Variants in WDFY4 observed in about 807,000 individuals in gnomAD.
WDFY4 encodes WD repeat- and FYVE domain-containing protein 4.
WDFY4 carries 169 observed loss-of-function variants against 351.9 expected under a neutral mutation model. That is an observed-to-expected ratio of 0.48 (90% confidence interval 0.42 to 0.55). WDFY4 has a LOEUF of 0.55. Ranked by LOEUF, WDFY4 falls within the 20% of genes least tolerant of loss-of-function variation. The probability of loss-of-function intolerance (pLI) is 0.00; values close to 1 mark genes in which losing one functional copy is unlikely to be tolerated. For missense variants in WDFY4, 3,803 were observed against 3,935.6 expected (o/e 0.97, Z 0.90); for synonymous variants, 1,622 against 1,574.6 (o/e 1.03, Z -0.71).
chr10:48,763,337 G>A (rs1326452676), intron 13 of WDFY4, among the ~76,000 whole-genome samples: 1 of 152,256 alleles, frequency 6.6e-6, no homozygotes, highest in Non-Finnish European at 1.5e-5. Context: ...TTGGATCTTT[G>A]CAGCTCTCAC....
chr10:48,761,675 G>C (rs571064049), intron 13 of WDFY4, among the ~76,000 whole-genome samples: 1 of 152,218 alleles, frequency 6.6e-6, no homozygotes, highest in Non-Finnish European at 1.5e-5. Flanking sequence ...ACAAGACGAA[G>C]TTGGAGTCAG....
intron 11 of WDFY4, among the ~76,000 whole-genome samples, chr10:48,739,224 A>G (rs1253502647): frequency 1.3e-5 from 2 of 152,234 alleles, no homozygotes; most frequent in African/African-American, 4.8e-5. Flanking sequence ...TGTTAGTCCT[A>G]ACGTAGTTAG....
At chr10:48,823,015 G>A (rs1439047242) in intron 35 of WDFY4, among the ~76,000 whole-genome samples, 1 of 152,118 alleles carries the variant, frequency 6.6e-6, no homozygotes, top group African/African-American at 2.4e-5. Flanking sequence ...TCTTGCCTGT[G>A]CCCTTTCTTT....
At chr10:48,870,937 C>G (rs776308611) in intron 40 of WDFY4, among the ~76,000 whole-genome samples, 1 of 119,852 alleles carries the variant, frequency 8.3e-6, no homozygotes, top group Non-Finnish European at 1.7e-5. Flanking sequence ...GGTGGATATG[C>G]GTTCTTTTTT....
intron 23 of WDFY4, 97 bp downstream of exon 23, chr10:48,791,014 C>T (rs1422496199): frequency 7.0e-7 from 1 of 1,425,624 alleles, no homozygotes; most frequent in African/African-American, 1.4e-5. Flanking sequence ...GCATTCCCTC[C>T]AGGGTGACTT....
At chr10:48,696,036 G>T (rs1437325721) in intron 1 of WDFY4, among the ~76,000 whole-genome samples, 7 of 152,160 alleles carry the variant, frequency 4.6e-5, no homozygotes, top group African/African-American at 1.7e-4. Flanking sequence ...TCCAATGGGA[G>T]TCTCCATCTT....
At chr10:48,709,126 G>GTCTGTGTGGCTGTAGGAGAGTCTGTCTGA (rs1565115230) in intron 1 of WDFY4, among the ~76,000 whole-genome samples, 1 of 8,228 alleles carries the variant, frequency 1.2e-4, no homozygotes, top group African/African-American at 1.4e-4. Context: ...GCACACATCT[G>GTCTGTGTGGCTGTAGGAGAGTCTGTCTGA]GCCGGGCGCG....
chr10:48,707,783 G>A lies in WDFY4; in HGVS notation c.-17-1933G>A, dbSNP rs2063670326. ...TCATACTCACCAAGTGAGAGTGTGG[G>A]TGGGGTGGGGACACAGGGAATGCGA... On this transcript the variant is annotated intron_variant, in intron 1 of 61. Transcript: ENST00000325239. Among the ~76,000 whole-genome samples the A allele has an allele frequency of 5.3e-5, 8 of 152,268 alleles. No homozygotes were observed. In the South Asian group the frequency reaches 1.5e-3, roughly 28 times the overall value.
chr10:48,817,910 C>T (rs957488100), intron 32 of WDFY4, among the ~76,000 whole-genome samples: 1 of 152,214 alleles, frequency 6.6e-6, no homozygotes, highest in Non-Finnish European at 1.5e-5. Flanking sequence ...GAGGGCAGAG[C>T]CTGATTTAAG....
At chr10:48,846,661 C>G (rs2068787451) in intron 39 of WDFY4, among the ~76,000 whole-genome samples, 2 of 152,216 alleles carry the variant, frequency 1.3e-5, no homozygotes, top group South Asian at 4.1e-4. Flanking sequence ...ACCAGTTTAC[C>G]TATGACCCTC....
At chr10:48,861,125 A>G (rs2069326033) in intron 39 of WDFY4, among the ~76,000 whole-genome samples, 1 of 152,096 alleles carries the variant, frequency 6.6e-6, no homozygotes, top group South Asian at 2.1e-4. Context: ...TCCATTTATA[A>G]TGTAATAGTT....
intron 13 of WDFY4, among the ~76,000 whole-genome samples, chr10:48,768,039 G>T (rs2132565048): frequency 6.6e-6 from 1 of 152,282 alleles, no homozygotes; most frequent in East Asian, 1.9e-4. Context: ...CCAGGGCCTG[G>T]AATGGGTGTT....
At chr10:48,703,934 G>A (rs1252614094) in intron 1 of WDFY4, among the ~76,000 whole-genome samples, 1 of 152,154 alleles carries the variant, frequency 6.6e-6, no homozygotes, top group African/African-American at 2.4e-5. Context: ...AGAGACCTGG[G>A]GGCATGCATG....
At chr10:48,885,435 T>C (rs912481221) in intron 43 of WDFY4, among the ~76,000 whole-genome samples, 2 of 152,216 alleles carry the variant, frequency 1.3e-5, no homozygotes, top group African/African-American at 4.8e-5. Flanking sequence ...TTGGGTCTTG[T>C]AACATGTTTC....
At chr10:48,816,344 T>A (rs2067620000) in intron 31 of WDFY4, among the ~76,000 whole-genome samples, 1 of 152,236 alleles carries the variant, frequency 6.6e-6, no homozygotes, top group African/African-American at 2.4e-5. Context: ...AAGATTTTGA[T>A]TTTGGCGTCT....
chr10:48,897,297 T>C (rs1837130147), intron 44 of WDFY4, among the ~76,000 whole-genome samples, 157 bp from the exon 45 acceptor site: 1 of 152,078 alleles, frequency 6.6e-6, no homozygotes, highest in African/African-American at 2.4e-5. Context: ...CTCAGATGAG[T>C]AGGGCTAGCA....
chr10:48,939,318 CT>C lies in WDFY4; in HGVS notation c.7587-2484del, dbSNP rs1460171938. 2.6e-5 allele frequency among the ~76,000 whole-genome samples: 4 copies of C among 152,358 alleles called. No individual in the cohort carries two copies. In the East Asian group the frequency reaches 7.7e-4, roughly 29 times the overall value. On this transcript the variant is annotated intron_variant, in intron 47 of 61. Coordinates refer to ENST00000325239, the MANE Select transcript of WDFY4 (RefSeq NM_001394531.1). ...GCTCCGTGCCCACACCAATGCTAGC[CT>C]TTTCCAGACCCATGGTCTCACTGGC...
chr10:48,820,361 C>A lies in WDFY4; in HGVS notation c.5633C>A (p.Thr1878Lys). The change falls in exon 33 of 62, where the codon ACG becomes AAG. Residue 1878 changes from threonine to lysine, a missense_variant. Thr to Lys is a moderately conservative substitution (Grantham distance 78). Around this residue, in one of 3 missense-constraint regions of WDFY4, gnomAD observed 3,054 missense variants for 3,148.6 expected, o/e 0.97. Transcript: ENST00000325239. ...HPARRKLREF[T>K]QLLLRELLLG... ...GCCCGGAGGAAGCTGAGGGAGTTCACGCAGCTCCTCTTGAGGGAGCTCCTG... is the reference window on the plus strand; with the variant it reads ...GCCCGGAGGAAGCTGAGGGAGTTCAAGCAGCTCCTCTTGAGGGAGCTCCTG... 1.3e-6 allele frequency: 2 copies of A among 1,551,612 alleles called. No individual in the cohort carries two copies.
chr10:48,923,496 G>GTATA (rs374289050), intron 47 of WDFY4, among the ~76,000 whole-genome samples: 1,114 of 63,258 alleles, frequency 0.018, 145 homozygotes, highest in African/African-American at 0.036. Context: ...ATAGTTTTTA[G>GTATA]TATATATATA....
Sources: gnomAD v4.1 joint callset for allele counts (sites outside exome capture counted in the v4.1 genomes callset) on GRCh38, gnomAD v4.1.1 for gene constraint, gnomAD v4.1.1 regional missense constraint, MANE v1.5 for transcripts, NCBI Gene and HGNC (gene_info 2026-07-23, HGNC 2026-07-21) for gene names.